Variants in TRIO observed in about 807,000 individuals in gnomAD.
The protein encoded by TRIO is trio Rho guanine nucleotide exchange factor.
TRIO carries 58 observed loss-of-function variants against 351.9 expected under a neutral mutation model. That is an observed-to-expected ratio of 0.16 (90% CI 0.13 to 0.21). The LOEUF (loss-of-function observed/expected upper bound fraction) is 0.21, where lower values mean the gene tolerates loss of function less well. Ranked by LOEUF, TRIO falls within the 10% of genes least tolerant of loss-of-function variation. The pLI is 1.00. For synonymous variants in TRIO, 1,758 were observed against 1,595.7 expected (o/e 1.10, Z -2.42); for missense variants, 3,201 against 4,027.8 (o/e 0.79, Z 5.56).
chr5:14,487,772 GC>G lies in TRIO; in HGVS notation c.7149del (p.Glu2384ArgfsTer29), dbSNP rs1227524890. Reference sequence around the variant, plus strand: ...GCCCTCCCTGCCTCCCCCTGGCGCGGCCCCCGAGGCCGGCCCCAGCGCGCCC... The same window carrying G: ...GCCCTCCCTGCCTCCCCCTGGCGCGGCCCCGAGGCCGGCCCCAGCGCGCCC... Reference protein sequence around the residue: ...PGPSLPPPGAAPEAGPSAPSR... With the variant: ...PGPSLPPPGAXPEAGPSAPSR... On this transcript the variant is annotated frameshift_variant, in exon 48 of 57. Coordinates refer to ENST00000344204, the MANE Select transcript of TRIO (RefSeq NM_007118.4). LOFTEE classifies it high-confidence loss of function. The G allele has an allele frequency of 2.9e-6, 4 of 1,362,310 alleles. No individual in the cohort carries two copies. The highest frequency in any genetic ancestry group is 3.5e-5 in the South Asian group (2 of 57,526). 84.4% of individuals were successfully genotyped at this position (1,362,310 alleles called of 1,614,324 possible).
intron 8 of TRIO, 141 bp downstream of exon 8, chr5:14,304,733 A>C (rs1738210405): frequency 1.0e-6 from 1 of 995,316 alleles, no homozygotes; most frequent in Admixed American, 2.5e-5. Flanking sequence ...ATTGTTTAGC[A>C]TTTGAACCCC....
intron 33 of TRIO, among the ~76,000 whole-genome samples, chr5:14,413,096 G>C (rs1272783053): frequency 6.6e-6 from 1 of 152,246 alleles, no homozygotes. Flanking sequence ...CATTGCTGCT[G>C]TTGCAGGTTA....
At chr5:14,343,798 G>T (rs1742161226) in intron 11 of TRIO, among the ~76,000 whole-genome samples, 1 of 152,084 alleles carries the variant, frequency 6.6e-6, no homozygotes, top group South Asian at 2.1e-4. Context: ...GCGTTTGCTG[G>T]GTCCTTTGGT....
chr5:14,173,705 A>G (rs997347047), intron 1 of TRIO, among the ~76,000 whole-genome samples: 12 of 152,244 alleles, frequency 7.9e-5, no homozygotes, highest in African/African-American at 2.9e-4. Flanking sequence ...CTCTACGCTT[A>G]GGACAGATTA....
In TRIO at chr5:14,287,138, G is replaced by A. The variant is rs1184562673; in HGVS notation, c.540+75G>A. 3 of 1,459,264 alleles carry A rather than the reference G, an allele frequency of 2.1e-6. No individual in the cohort carries two copies. The Admixed American group carries it at 6.5e-5, about 32-fold the overall frequency. The allele number at this position is 1,459,264 out of a possible 1,614,324, so 90.4% of individuals were successfully genotyped here. On this transcript the variant is annotated intron_variant, in intron 4 of 56. Transcript: ENST00000344204. Reference sequence around the variant, plus strand: ...CTAAAAGCTATTGAGGCTAATGAGAGATTTTTTTTTTAAACCACATATTAA... The same window carrying A: ...CTAAAAGCTATTGAGGCTAATGAGAAATTTTTTTTTTAAACCACATATTAA...
chr5:14,207,262 T>TAC (rs56915481), intron 1 of TRIO, among the ~76,000 whole-genome samples: 662 of 46,080 alleles, frequency 0.014, 60 homozygotes, highest in African/African-American at 0.032. Context: ...AGATGGTCTC[T>TAC]ACACACACAC....
At chr5:14,171,266 A>G (rs1239488284) in intron 1 of TRIO, among the ~76,000 whole-genome samples, 1 of 152,250 alleles carries the variant, frequency 6.6e-6, no homozygotes, top group African/African-American at 2.4e-5. Context: ...AAAATATTTT[A>G]TAATAGTTTG....
chr5:14,343,009 G>A (rs949650644), intron 11 of TRIO, among the ~76,000 whole-genome samples: 1 of 149,752 alleles, frequency 6.7e-6, no homozygotes, highest in African/African-American at 2.5e-5. Flanking sequence ...TACCTCCAAA[G>A]ATGTCATATC....
intron 1 of TRIO, among the ~76,000 whole-genome samples, chr5:14,198,923 A>C (rs1408064733): frequency 6.6e-6 from 1 of 152,134 alleles, no homozygotes; most frequent in Non-Finnish European, 1.5e-5. Flanking sequence ...TGTTAAAAAC[A>C]ATGGAAAAAT....
intron 1 of TRIO, among the ~76,000 whole-genome samples, chr5:14,239,351 G>A (rs919141015): frequency 6.6e-6 from 1 of 152,064 alleles, no homozygotes; most frequent in South Asian, 2.1e-4. Flanking sequence ...GAAATGTATA[G>A]AATAAGAATT....
At chr5:14,351,039 C>A (rs1182345928) in intron 11 of TRIO, among the ~76,000 whole-genome samples, 1 of 152,184 alleles carries the variant, frequency 6.6e-6, no homozygotes, top group Non-Finnish European at 1.5e-5. Context: ...TGACAGGAGG[C>A]TGAACTCAGG....
At chr5:14,245,650 A>G (rs1026733551) in intron 1 of TRIO, among the ~76,000 whole-genome samples, 4 of 152,088 alleles carry the variant, frequency 2.6e-5, no homozygotes, top group African/African-American at 4.8e-5. Flanking sequence ...CAATAGACAC[A>G]CTCTTCTTGA....
rs144683543 is a variant in TRIO, at chr5:14,219,726, G to C, written c.158-51099G>C. 2.6e-5 allele frequency among the ~76,000 whole-genome samples: 4 copies of C among 152,260 alleles called. No homozygotes were observed. In the East Asian group the frequency reaches 5.8e-4, roughly 22 times the overall value. ...ACCAGCTGAGGCATCAGAATCTTTG[G>C]GATAGGGTTCAGGGTTCACTTTTAC... On this transcript the variant is annotated intron_variant, in intron 1 of 56. Coordinates refer to ENST00000344204, the MANE Select transcript of TRIO (RefSeq NM_007118.4).
chr5:14,412,074 G>A (rs1404435652), intron 33 of TRIO, among the ~76,000 whole-genome samples: 3 of 149,212 alleles, frequency 2.0e-5, no homozygotes, highest in Non-Finnish European at 3.0e-5. Flanking sequence ...TGCAACCTCC[G>A]CCTCCCAGGT....
At chr5:14,334,410 G>A (rs773960213) in intron 10 of TRIO, among the ~76,000 whole-genome samples, 8 of 152,156 alleles carry the variant, frequency 5.3e-5, no homozygotes, top group African/African-American at 7.2e-5. Flanking sequence ...GCTGTTTCAC[G>A]TCTCAGATCA....
intron 31 of TRIO, among the ~76,000 whole-genome samples, chr5:14,401,691 A>G (rs984480086): frequency 6.6e-6 from 1 of 152,196 alleles, no homozygotes; most frequent in Admixed American, 6.5e-5. Flanking sequence ...TGATTATACT[A>G]ACCTCTCCTG....
intron 1 of TRIO, among the ~76,000 whole-genome samples, chr5:14,193,599 A>T (rs1228263432): frequency 2.0e-5 from 3 of 152,230 alleles, no homozygotes; most frequent in Admixed American, 1.3e-4. Flanking sequence ...GGGGTAAGTC[A>T]CTATATATCC....
intron 1 of TRIO, among the ~76,000 whole-genome samples, chr5:14,266,505 A>G (rs925314803): frequency 6.6e-6 from 1 of 152,242 alleles, no homozygotes; most frequent in African/African-American, 2.4e-5. Context: ...ATTAAGGAAT[A>G]GAAGTGATTT....
At position 14,406,568 on chromosome 5, in the gene TRIO, G is replaced by A. The variant is rs536654867; in HGVS notation, c.4860-5G>A. 3.1e-6 allele frequency: 5 copies of A among 1,613,758 alleles called. No homozygotes were observed. The African/African-American group carries it at 4.0e-5, about 13-fold the overall frequency. On this transcript the variant is annotated splice_polypyrimidine_tract_variant and splice_region_variant and intron_variant, in intron 32 of 56. Coordinates refer to ENST00000344204, the MANE Select transcript of TRIO (RefSeq NM_007118.4). ...CAGGAACTAAAAGTTTCTTTGCACC[G>A]CCAGGGATGGAGAGGATCTGGACAG...
Sources: allele counts gnomAD v4.1 joint callset (sites outside exome capture counted in the v4.1 genomes callset), GRCh38; gene constraint gnomAD v4.1.1; transcripts MANE v1.5; gene names NCBI Gene and HGNC (gene_info 2026-07-23, HGNC 2026-07-21).